The following XRN1 variants were observed in gnomAD, a reference collection of about 807,000 sequenced individuals.
XRN1 encodes 5'-3' exoribonuclease 1.
Under a neutral mutation model 222.3 loss-of-function variants are expected in XRN1, and 67 were observed. That is an observed-to-expected ratio of 0.30 (90% CI 0.25 to 0.37). XRN1 has a LOEUF of 0.37. Ranked by LOEUF, XRN1 falls within the 10% of genes least tolerant of loss-of-function variation. The probability of loss-of-function intolerance (pLI) is 1.00; values close to 1 mark genes in which losing one functional copy is unlikely to be tolerated. For synonymous variants in XRN1, 643 were observed against 652.4 expected, an observed-to-expected ratio of 0.99 and a Z score of 0.22; for missense variants, 1,707 against 2,000.2, an observed-to-expected ratio of 0.85 and a Z score of 2.80.
At chr3:142,358,790 A>G (rs2066537301) in intron 30 of XRN1, among the ~76,000 whole-genome samples, 1 of 152,200 alleles carries the variant, frequency 6.6e-6, no homozygotes, top group African/African-American at 2.4e-5. Flanking sequence ...CAATAATAAT[A>G]GCATCCTGAA....
At chr3:142,395,569 T>G (rs1384424132) in intron 20 of XRN1, among the ~76,000 whole-genome samples, 1 of 152,182 alleles carries the variant, frequency 6.6e-6, no homozygotes, top group African/African-American at 2.4e-5. Flanking sequence ...CAGCTGAACT[T>G]TTTGAACAAG....
intron 32 of XRN1, among the ~76,000 whole-genome samples, chr3:142,349,077 C>T (rs1055531357): frequency 1.3e-5 from 2 of 151,956 alleles, no homozygotes; most frequent in African/African-American, 4.8e-5. Flanking sequence ...CTCAGTCTCC[C>T]GAATAGCTGG....
At chr3:142,337,824 G>T (rs944532053) in intron 33 of XRN1, among the ~76,000 whole-genome samples, 8 of 152,182 alleles carry the variant, frequency 5.3e-5, no homozygotes, top group Non-Finnish European at 7.3e-5. Flanking sequence ...AAATGTCAGA[G>T]TAAGGACCTC....
chr3:142,435,762 CAAAAAA>C (rs1176485060), intron 1 of XRN1, among the ~76,000 whole-genome samples: 1 of 58,524 alleles, frequency 1.7e-5, no homozygotes. Flanking sequence ...CCCCACCCCC[CAAAAAA>C]AAAAAAAAAA....
At chr3:142,332,318 C>G in intron 36 of XRN1, 57 bp downstream of exon 36, 1 of 1,269,422 alleles carries the variant, frequency 7.9e-7, no homozygotes, top group South Asian at 1.6e-5. Context: ...TTAAAAAGAA[C>G]CAAATGAATT....
At chr3:142,423,675 C>A in intron 5 of XRN1, 33 bp from the exon 6 acceptor site, 2 of 1,510,584 alleles carry the variant, frequency 1.3e-6, no homozygotes, top group Non-Finnish European at 1.8e-6. Context: ...TGTTTTTATT[C>A]TCCCATTTTT....
chr3:142,425,287 C>T lies in XRN1; in HGVS notation c.562G>A (p.Glu188Lys), dbSNP rs1318562038. ...EHKIMEFIRS[E>K]KAKPDHDPNT... ...GGATCATGATCTGGCTTTGCTTTCT[C>T]GGATCTGATAAATTCCATGATTTTA... The change falls in exon 5 of 41, where the codon GAG becomes AAG. Residue 188 changes from glutamate to lysine, a missense_variant. Coordinates refer to ENST00000392981, the MANE Select transcript of XRN1 (RefSeq NM_001282857.2). 7 of 1,607,828 alleles carry T rather than the reference C, an allele frequency of 4.4e-6. No individual in the cohort carries two copies. The highest frequency in any genetic ancestry group is 2.2e-5 in the South Asian group (2 of 89,380).
Position 142,326,268 on chromosome 3 carries a change from T to C in XRN1, c.4404+3166A>G, listed in dbSNP as rs565649344. ...ATAGACATTTTAACAATATTGATTCTTCCAATACATGAACATGGACAATCT... is the reference window on the plus strand; with the variant it reads ...ATAGACATTTTAACAATATTGATTCCTCCAATACATGAACATGGACAATCT... On this transcript the variant is annotated intron_variant, in intron 37 of 40. Coordinates refer to ENST00000392981, the MANE Select transcript of XRN1 (RefSeq NM_001282857.2). Among the ~76,000 whole-genome samples, 37 of 152,246 alleles carry C rather than the reference T, an allele frequency of 2.4e-4. No homozygotes were observed. The East Asian group carries it at 6.9e-3, about 29-fold the overall frequency.
At chr3:142,423,046 C>T in intron 6 of XRN1, 124 bp from the exon 7 acceptor site, 2 of 709,830 alleles carry the variant, frequency 2.8e-6, no homozygotes, top group South Asian at 2.0e-5. Context: ...TTAAGGCATA[C>T]AATTTATATG....
In XRN1 at chr3:142,418,488, AT is replaced by A. The variant is rs2068873320; in HGVS notation, c.1346+15del. On this transcript the variant is annotated intron_variant, in intron 12 of 40. Transcript: ENST00000392981. ...ATTTTTTCTATTTTAAAATAAAAGC[AT>A]TGGCAAAAACGTACTCAGATACTAC... The A allele has an allele frequency of 6.4e-7, 1 of 1,560,910 alleles. No individual in the cohort carries two copies. The highest frequency in any genetic ancestry group is 1.4e-5 in the African/African-American group (1 of 72,604).
Position 142,318,657 on chromosome 3 carries a change from A to G in XRN1, c.4556T>C (p.Val1519Ala). ...TACAGCTGAAGGATAATTTGCAAAT[A>G]CTTGTGAAGGCAAAGGGAAATTCAT... ...LGMNFPLPSQVFANYPSAVPP... is the reference protein window; with the variant it reads ...LGMNFPLPSQAFANYPSAVPP... Residue 1519 changes from valine (V) to alanine (A), a missense_variant, in exon 39 of 41, where the codon GTA (valine) becomes GCA (alanine). By Grantham distance (64) the Val-to-Ala change is moderately conservative. Around this residue, in one of 2 missense-constraint regions of XRN1, gnomAD observed 473 missense variants for 482.0 expected, o/e 0.98. Coordinates refer to ENST00000392981, the MANE Select transcript of XRN1 (RefSeq NM_001282857.2). The G allele has an allele frequency of 1.2e-6, 2 of 1,609,988 alleles. No individual in the cohort carries two copies. Among genetic ancestry groups the G allele is most frequent in the Middle Eastern group, 3.3e-4 (2 of 6,054 alleles).
chr3:142,335,129 C>T (rs958634977), intron 34 of XRN1, among the ~76,000 whole-genome samples: 3 of 152,140 alleles, frequency 2.0e-5, no homozygotes, highest in Non-Finnish European at 2.9e-5. Flanking sequence ...GCATGAGCCA[C>T]CACGCCTGGA....
intron 30 of XRN1, among the ~76,000 whole-genome samples, chr3:142,359,061 C>A (rs2066543666): frequency 6.6e-6 from 1 of 152,054 alleles, no homozygotes; most frequent in Non-Finnish European, 1.5e-5. Context: ...ACTTAATTAA[C>A]CTACCCAAGG....
chr3:142,337,460 T>C (rs1333470601), intron 33 of XRN1, among the ~76,000 whole-genome samples: 1 of 152,222 alleles, frequency 6.6e-6, no homozygotes, highest in Non-Finnish European at 1.5e-5. Flanking sequence ...CAGTGCCTTG[T>C]ACTCAATAAA....
chr3:142,392,106 GTT>G (rs2067748180), intron 20 of XRN1, among the ~76,000 whole-genome samples: 1 of 151,822 alleles, frequency 6.6e-6, no homozygotes, highest in Admixed American at 6.6e-5. Context: ...AATAGTAGTT[GTT>G]TGTTTTCATA....
chr3:142,328,103 G>A (rs774076802), intron 37 of XRN1, among the ~76,000 whole-genome samples: 1 of 151,996 alleles, frequency 6.6e-6, no homozygotes, highest in South Asian at 2.1e-4. Context: ...TCTACATCTT[G>A]GCTATTGTGA....
chr3:142,422,277 C>T (rs2069066221), intron 8 of XRN1, among the ~76,000 whole-genome samples: 1 of 151,992 alleles, frequency 6.6e-6, no homozygotes, highest in Admixed American at 6.6e-5. Flanking sequence ...AAACGTTGCA[C>T]TGTCGCCACT....
Position 142,359,845 on chromosome 3 carries a change from C to A in XRN1, c.3464+17G>T. On this transcript the variant is annotated intron_variant, in intron 30 of 40. Coordinates refer to ENST00000392981, the MANE Select transcript of XRN1 (RefSeq NM_001282857.2). ...GAACATATTCACAAAGGGCAATTAT[C>A]ATTGGGAAATACAAACCTTATTGTT... 6.4e-7 allele frequency: 1 copy of A among 1,555,232 alleles called. No homozygotes were observed. The highest frequency in any genetic ancestry group is 8.8e-7 in the Non-Finnish European group (1 of 1,136,806).
chr3:142,333,226 T>C (rs2065754629), intron 34 of XRN1, 137 bp from the exon 35 acceptor site: 3 of 1,027,164 alleles, frequency 2.9e-6, no homozygotes, highest in Non-Finnish European at 2.7e-6. Context: ...GGGAAGAGAA[T>C]TGGAATAAAT....
Sources: gnomAD v4.1 joint callset for allele counts (sites outside exome capture counted in the v4.1 genomes callset) on GRCh38, gnomAD v4.1.1 for gene constraint, gnomAD v4.1.1 regional missense constraint, MANE v1.5 for transcripts, NCBI Gene and HGNC (gene_info 2026-07-23, HGNC 2026-07-21) for gene names.